The following ANKRD36C variants were observed in gnomAD, a reference collection of about 807,000 sequenced individuals.
The protein encoded by ANKRD36C is ankyrin repeat domain 36C.
ANKRD36C carries 61 observed loss-of-function variants against 276.4 expected under a neutral mutation model. That is an observed-to-expected ratio of 0.22 (90% CI 0.18 to 0.27). ANKRD36C has a LOEUF of 0.27. Among genes scored for constraint, ANKRD36C ranks in the 10% least tolerant of loss-of-function variants. ANKRD36C has a pLI of 1.00. For synonymous variants in ANKRD36C, 483 were observed against 680.1 expected (o/e 0.71, Z 4.51); for missense variants, 1,447 against 2,032.3 (o/e 0.71, Z 5.54).
At chr2:95,962,520 T>G (rs775957909) in exon 7 of ANKRD36C, 1 of 1,601,132 alleles carries the variant, frequency 6.2e-7, no homozygotes, top group South Asian at 1.1e-5. Context: ...TGTAATTACC[T>G]TCAAGGCTGG....
At chr2:95,865,748 A>C (rs1382023666) in intron 60 of ANKRD36C, among the ~76,000 whole-genome samples, 1 of 152,132 alleles carries the variant, frequency 6.6e-6, no homozygotes. Flanking sequence ...GTTGGCAATC[A>C]AAAAGTCTGG....
Position 95,913,591 on chromosome 2 carries a change from C to T in ANKRD36C, c.2551+517G>A, listed in dbSNP as rs531542254. Among the ~76,000 whole-genome samples, 173 of 151,466 alleles carry T rather than the reference C, an allele frequency of 1.1e-3. 1 individual carries two copies. The highest frequency in any genetic ancestry group is 8.3e-3 in the East Asian group (42 of 5,086). On this transcript the variant is annotated intron_variant, in intron 40 of 66. Transcript: ENST00000456556. ...ATCTGAAGTGAGTTCACTCAGGTTT[C>T]CTCAGCAGAAACCCCAAAATTATAT...
intron 36 of ANKRD36C, among the ~76,000 whole-genome samples, chr2:95,917,046 TA>T (rs1345222435): frequency 6.6e-6 from 1 of 151,644 alleles, no homozygotes; most frequent in Admixed American, 6.6e-5. Flanking sequence ...GGTTGTTCTC[TA>T]AAGAAGTTTG....
Position 95,891,686 on chromosome 2 carries a change from G to T in ANKRD36C, c.2836C>A (p.His946Asn), listed in dbSNP as rs745441217. 115 of 1,563,624 alleles carry T rather than the reference G, an allele frequency of 7.4e-5. No individual in the cohort carries two copies. In the African/African-American group the frequency reaches 1.5e-3, roughly 20 times the overall value. Residue 946 changes from histidine (H) to asparagine (N), a missense_variant, in exon 46 of 67, where the codon CAT (histidine) becomes AAT (asparagine). Around this residue, in one of 13 missense-constraint regions of ANKRD36C, gnomAD observed 565 missense variants for 539.5 expected, o/e 1.05. Transcript: ENST00000456556. ...TTACCTCTCCTAGTTTTTTCTCCATGCTTTTTTCCTCTGGCTATATTCAAA... is the reference window on the plus strand; with the variant it reads ...TTACCTCTCCTAGTTTTTTCTCCATTCTTTTTTCCTCTGGCTATATTCAAA...
intron 54 of ANKRD36C, 33 bp downstream of exon 74, chr2:95,884,140 G>A: frequency 6.3e-7 from 1 of 1,584,516 alleles, no homozygotes; most frequent in East Asian, 2.3e-5. Context: ...TATCTGGACT[G>A]AACATGACAT....
intron 13 of ANKRD36C, among the ~76,000 whole-genome samples, chr2:95,955,892 G>T (rs1236831737): frequency 6.6e-6 from 1 of 152,088 alleles, no homozygotes; most frequent in Admixed American, 6.6e-5. Context: ...CTCTGATTGT[G>T]TCTGTAGGAA....
rs1678305672 is a variant in ANKRD36C, at chr2:95,955,484, G to T, written c.1136+1302C>A. On this transcript the variant is annotated intron_variant, in intron 13 of 66. Transcript: ENST00000456556. The stretch of plus-strand genomic sequence containing the variant: ...AAACTTGCATTAAACCAAATATTCA[G>T]ATTTTTCCCTAAAACCCTCATTTCT... 2.0e-5 allele frequency among the ~76,000 whole-genome samples: 3 copies of T among 152,206 alleles called. No individual in the cohort carries two copies. The South Asian group carries it at 6.2e-4, about 32-fold the overall frequency.
chr2:95,963,984 T>TAA (rs1558658666), intron 6 of ANKRD36C, among the ~76,000 whole-genome samples: 282 of 19,198 alleles, frequency 0.015, no homozygotes, highest in African/African-American at 0.086. Flanking sequence ...TATATATATA[T>TAA]ATATATATAT....
chr2:95,927,419 A>G lies in ANKRD36C; in HGVS notation c.1838-10T>C, dbSNP rs775739725. 2 of 1,605,998 alleles carry G rather than the reference A, an allele frequency of 1.2e-6. No homozygotes were observed. The highest frequency in any genetic ancestry group is 1.7e-6 in the Non-Finnish European group (2 of 1,177,604). On this transcript the variant is annotated splice_polypyrimidine_tract_variant and intron_variant, in intron 26 of 66. Transcript: ENST00000456556. ...TGTTTCTGAGAAGACACTGAAAAGC[A>G]AAAGGGATACATAATCACTCACATG...
intron 34 of ANKRD36C, among the ~76,000 whole-genome samples, chr2:95,918,271 A>G (rs1464218680): frequency 6.6e-6 from 1 of 151,656 alleles, no homozygotes; most frequent in Non-Finnish European, 1.5e-5. Flanking sequence ...ATGATTCGTC[A>G]TACGTCGAAA....
At chr2:95,870,724 A>G (rs1397598487) in intron 59 of ANKRD36C, among the ~76,000 whole-genome samples, 1 of 152,220 alleles carries the variant, frequency 6.6e-6, no homozygotes, top group South Asian at 2.1e-4. Context: ...TCTGAGCTAC[A>G]GGAGGAAATT....
At chr2:95,880,385 A>G (rs1676049445) in intron 58 of ANKRD36C, 42 bp downstream of exon 78, 2 of 1,400,152 alleles carry the variant, frequency 1.4e-6, no homozygotes. Flanking sequence ...AAACAGATTA[A>G]TGTACTTCTT....
intron 8 of ANKRD36C, among the ~76,000 whole-genome samples, chr2:95,962,107 T>G (rs1678473837): frequency 6.6e-6 from 1 of 152,056 alleles, no homozygotes; most frequent in East Asian, 1.9e-4. Flanking sequence ...TAGCCTGTTA[T>G]ATCTTGCACT....
rs192057338 is a variant in ANKRD36C at position 95,978,204 on chromosome 2, A to C, written c.732-15T>G. On this transcript the variant is annotated splice_polypyrimidine_tract_variant and intron_variant, in intron 5 of 66. Coordinates refer to ENST00000456556, the Ensembl canonical transcript of ANKRD36C. Reference sequence around the variant, plus strand: ...GTTCAAAAATGCTATGCATAAAAATAAATGAAATTAATATTTTAATACTAT... The same window carrying C: ...GTTCAAAAATGCTATGCATAAAAATCAATGAAATTAATATTTTAATACTAT... 1 of 825,480 alleles carries C rather than the reference A, an allele frequency of 1.2e-6. No individual in the cohort carries two copies. Among genetic ancestry groups the C allele is most frequent in the African/African-American group, 1.8e-5 (1 of 57,046 alleles). The allele number at this position is 825,480 out of a possible 1,614,324, so 51.1% of individuals were successfully genotyped here.
intron 38 of ANKRD36C, 61 bp from the exon 41 acceptor site, chr2:95,914,364 T>C: frequency 6.6e-7 from 1 of 1,524,934 alleles, no homozygotes; most frequent in Non-Finnish European, 8.9e-7. Context: ...TATCCATACA[T>C]TCATGCAGTG....
intron 52 of ANKRD36C, among the ~76,000 whole-genome samples, chr2:95,885,629 T>C (rs1240477120): frequency 6.6e-6 from 1 of 151,996 alleles, no homozygotes; most frequent in South Asian, 2.1e-4. Context: ...AGTGATCTTG[T>C]TTGTTCTCAT....
At chr2:95,952,398 A>G (rs949398100) in intron 14 of ANKRD36C, among the ~76,000 whole-genome samples, 1 of 1,704 alleles carries the variant, frequency 5.9e-4, no homozygotes, top group South Asian at 0.12. Flanking sequence ...AGAGAGAGAG[A>G]GGGAAAGAAA....
intron 24 of ANKRD36C, among the ~76,000 whole-genome samples, chr2:95,930,595 G>T: frequency 6.6e-6 from 1 of 151,050 alleles, no homozygotes; most frequent in South Asian, 2.1e-4. Flanking sequence ...ACTAAACAAA[G>T]TTTCTAAATC....
intron 8 of ANKRD36C, 53 bp downstream of exon 8, chr2:95,962,299 C>A (rs1269542375): frequency 6.6e-7 from 1 of 1,518,968 alleles, no homozygotes; most frequent in Non-Finnish European, 8.9e-7. Context: ...CAGGGAACAG[C>A]AGTTCCCTTC....
Sources: allele counts gnomAD v4.1 joint callset (sites outside exome capture counted in the v4.1 genomes callset), GRCh38; gene constraint gnomAD v4.1.1; regional missense constraint gnomAD v4.1.1; transcripts MANE v1.5; gene names NCBI Gene and HGNC (gene_info 2026-07-23, HGNC 2026-07-21).